Variants in CLBA1 observed in about 807,000 individuals in gnomAD.
The protein encoded by CLBA1 is clathrin binding box of aftiphilin containing 1.
Under a neutral mutation model 28.8 loss-of-function variants are expected in CLBA1, and 30 were observed. That is an observed-to-expected ratio of 1.04 (90% CI 0.78 to 1.41). CLBA1 has a LOEUF of 1.41. CLBA1 is among the 40% of genes most tolerant of loss of function. CLBA1 has a pLI of 0.00. For synonymous variants in CLBA1, 160 were observed against 152.8 expected, an observed-to-expected ratio of 1.05 and a Z score of -0.35; for missense variants, 451 against 412.3, an observed-to-expected ratio of 1.09 and a Z score of -0.81.
downstream of CLBA1, among the ~76,000 whole-genome samples, chr14:105,000,029 G>A (rs549951590): frequency 6.6e-6 from 1 of 152,148 alleles, no homozygotes; most frequent in Admixed American, 6.5e-5. Flanking sequence ...TGCAGCTCTC[G>A]CATGACTCCT....
chr14:104,986,721 C>T lies in CLBA1; in HGVS notation c.290C>T (p.Ser97Phe), dbSNP rs1200746440. The change falls in exon 1 of 5, where the codon TCC (serine) becomes TTC (phenylalanine). Residue 97 changes from serine to phenylalanine, a missense_variant. Coordinates refer to ENST00000547315, the MANE Select transcript of CLBA1 (RefSeq NM_174891.4). The part of the protein sequence containing the change: ...SSAKSGQFSQ[S>F]LELLEGPTEP... Reference sequence around the variant, plus strand: ...GCCAAGTCTGGACAATTCTCACAGTCCCTTGAACTCCTCGAGGGACCCACA... The same window carrying T: ...GCCAAGTCTGGACAATTCTCACAGTTCCTTGAACTCCTCGAGGGACCCACA... 6.2e-7 allele frequency: 1 copy of T among 1,614,052 alleles called. No homozygotes were observed.
At chr14:105,001,206 G>T (rs1900261233) in intron 2 of CLBA1, among the ~76,000 whole-genome samples, 1 of 152,056 alleles carries the variant, frequency 6.6e-6, no homozygotes, top group African/African-American at 2.4e-5. Context: ...AACCCAAAAA[G>T]TCAAACTCGC....
At chr14:104,988,349 T>TTTG (rs1335620118) in intron 1 of CLBA1, among the ~76,000 whole-genome samples, 1 of 151,574 alleles carries the variant, frequency 6.6e-6, no homozygotes, top group Non-Finnish European at 1.5e-5. Context: ...TTTTTTTTTT[T>TTTG]TGAGACGGAG....
At position 105,000,742 on chromosome 14, in the gene CLBA1, CAG is replaced by C. The variant is rs372264252; in HGVS notation, n.216+7680_216+7681del. Among the ~76,000 whole-genome samples, 280 of 152,134 alleles carry C rather than the reference CAG, an allele frequency of 1.8e-3. 3 individuals are homozygous for C. The highest frequency in any genetic ancestry group is 6.3e-3 in the African/African-American group (263 of 41,508). ...CACCTGTTAGGATGGCTATTCTAAA[CAG>C]ATGAAATGTCGGTGATGGTGTAGAG... On this transcript the variant is annotated intron_variant and non_coding_transcript_variant, in intron 2 of 2. Transcript: ENST00000548178.
chr14:104,991,405 G>A (rs1427694793), intron 2 of CLBA1, 86 bp from the exon 3 acceptor site: 28 of 1,544,680 alleles, frequency 1.8e-5, no homozygotes, highest in Middle Eastern at 1.8e-4. Flanking sequence ...AAGGCCAGGC[G>A]CCCCGCTGCG....
intron 3 of CLBA1, among the ~76,000 whole-genome samples, chr14:104,992,373 A>G (rs1293166105): frequency 2.0e-5 from 3 of 152,266 alleles, no homozygotes; most frequent in Admixed American, 6.5e-5. Flanking sequence ...CTAGATTTCA[A>G]TGATCTTTCC....
Position 104,985,877 on chromosome 14 carries a change from A to G in CLBA1, c.-555A>G, listed in dbSNP as rs1477980445. 3 of 159,426 alleles carry G rather than the reference A, an allele frequency of 1.9e-5. 1 individual carries two copies. The highest frequency in any genetic ancestry group is 3.4e-5 in the Non-Finnish European group (3 of 87,134). The allele number at this position is 159,426 out of a possible 1,614,324, so 9.9% of individuals were successfully genotyped here. On this transcript the variant is annotated 5_prime_UTR_variant, in exon 1 of 5. Coordinates refer to ENST00000547315, the MANE Select transcript of CLBA1 (RefSeq NM_174891.4). The stretch of plus-strand genomic sequence containing the variant: ...CGCGGCCCCGCCGAGGCGGCGACCA[A>G]GGTGGGTGCGGGGACTCTCGGGAGC...
chr14:104,994,923 G>A lies in CLBA1; in HGVS notation c.*164G>A. On this transcript the variant is annotated 3_prime_UTR_variant, in exon 5 of 5. Transcript: ENST00000547315. ...TGTGTTCTGGGCTTGTCTCGGGTCT[G>A]ACCAGGAGATGGAGGATGTGTCCTT... 2 of 1,362,812 alleles carry A rather than the reference G, an allele frequency of 1.5e-6. No homozygotes were observed. Among genetic ancestry groups the A allele is most frequent in the Non-Finnish European group, 9.4e-7 (1 of 1,060,872 alleles). The allele number at this position is 1,362,812 out of a possible 1,614,324, so 84.4% of individuals were successfully genotyped here. A position where few individuals can be genotyped will look rare whatever the true frequency, so the allele number is the denominator to read the frequency against.
At chr14:104,989,777 C>T (rs911665386) in intron 2 of CLBA1, 42 of 444,772 alleles carry the variant, frequency 9.4e-5, no homozygotes, top group Admixed American at 3.5e-4. Flanking sequence ...CCCTGTCCCT[C>T]GGTGTGGTCT....
At chr14:104,988,410 G>A (rs1278270940) in intron 1 of CLBA1, among the ~76,000 whole-genome samples, 3 of 148,518 alleles carry the variant, frequency 2.0e-5, no homozygotes, top group Non-Finnish European at 3.0e-5. Flanking sequence ...TCGGCTCACT[G>A]CAACTTCTGC....
chr14:105,000,961 G>A (rs539658976), intron 2 of CLBA1, among the ~76,000 whole-genome samples: 1 of 151,116 alleles, frequency 6.6e-6, no homozygotes, highest in African/African-American at 2.4e-5. Context: ...GTTTATTGCA[G>A]CACTAGTCAC....
At chr14:104,992,124 A>G (rs1483873205) in intron 3 of CLBA1, among the ~76,000 whole-genome samples, 4 of 135,728 alleles carry the variant, frequency 2.9e-5, no homozygotes, top group African/African-American at 5.7e-5. Flanking sequence ...TGCACACGCC[A>G]CCACGCACAC....
intron 4 of CLBA1, chr14:104,994,152 C>T (rs1042586557): frequency 1.0e-6 from 1 of 985,338 alleles, no homozygotes; most frequent in African/African-American, 1.7e-5. Context: ...TATCCTAGAG[C>T]AGCAGCTGTA....
chr14:104,990,850 G>C (rs1310202148), intron 2 of CLBA1: 2 of 153,724 alleles, frequency 1.3e-5, no homozygotes, highest in African/African-American at 4.8e-5. Flanking sequence ...CTCCTTGGAG[G>C]AGACAGTAAC....
intron 3 of CLBA1, 145 bp from the exon 4 acceptor site, chr14:104,992,803 A>G (rs2241865): frequency 3.9e-6 from 3 of 777,218 alleles, no homozygotes; most frequent in African/African-American, 3.5e-5. Flanking sequence ...AGGGCGACAC[A>G]GGGGAAACTG....
intron 4 of CLBA1, chr14:104,993,921 C>T: frequency 1.0e-6 from 1 of 985,412 alleles, no homozygotes; most frequent in African/African-American, 1.7e-5. Context: ...TGAGCTGGGA[C>T]AGCAGGAAGG....
chr14:104,991,161 A>G, intron 2 of CLBA1: 1 of 235,618 alleles, frequency 4.2e-6, no homozygotes, highest in Non-Finnish European at 8.5e-6. Context: ...AGTAGCTGGG[A>G]TGACAGGCGC....
At chr14:104,999,127 C>T, downstream of CLBA1, 1 of 790,528 alleles carries the variant, frequency 1.3e-6, no homozygotes, top group Non-Finnish European at 1.5e-6. Context: ...CTTTCCTCTG[C>T]CTGCTCCTGC....
At chr14:104,998,860 G>GCATGCTGGGGCCCATCGTGC (rs1900212967), downstream of CLBA1, among the ~76,000 whole-genome samples, 1 of 152,266 alleles carries the variant, frequency 6.6e-6, no homozygotes, top group Non-Finnish European at 1.5e-5. Context: ...CAAACACGGG[G>GCATGCTGGGGCCCATCGTGC]CATGCTGGGG....
Sources: gnomAD v4.1 joint callset for allele counts (sites outside exome capture counted in the v4.1 genomes callset) on GRCh38, gnomAD v4.1.1 for gene constraint, MANE v1.5 for transcripts, NCBI Gene and HGNC (gene_info 2026-07-23, HGNC 2026-07-21) for gene names.